CLPTM1L: variants seen among roughly 807,000 people sequenced by gnomAD.
CLPTM1L encodes the protein CLPTM1 like, also known as lipid scramblase CLPTM1L.
Under a neutral mutation model 70.9 loss-of-function variants are expected in CLPTM1L, and 38 were observed. The observed-to-expected ratio is 0.54, with a 90% CI of 0.41 to 0.70. The LOEUF (loss-of-function observed/expected upper bound fraction) is 0.70, where lower values mean the gene tolerates loss of function less well. Among genes scored for constraint, CLPTM1L ranks in the 30% least tolerant of loss-of-function variants. The pLI, the probability that CLPTM1L is intolerant of heterozygous loss-of-function variation, is 0.00. For missense variants in CLPTM1L, 652 were observed against 705.9 expected (o/e 0.92, Z 0.87); for synonymous variants, 339 against 299.9 (o/e 1.13, Z -1.35).
chr5:1,318,369 T>A lies in CLPTM1L; in HGVS notation c.1617A>T (p.Ter539CysextTer16). The change falls in exon 17 of 17, where the codon TGA becomes TGT. Residue 539 changes from the stop codon to cysteine (C), a stop_lost. Coordinates refer to ENST00000320895, the MANE Select transcript of CLPTM1L (RefSeq NM_030782.5). The surrounding 1 kb of genome is among the most constrained non-coding windows in gnomAD (Gnocchi z 8.9). The part of the protein sequence containing the change: ...EKATRAPHTD[*>C] Reference sequence around the variant, plus strand: ...TGGCTGGCGGCAGCCCGGGCGGCCTTCAGTCCGTGTGGGGCGCCCGCGTGG... The same window carrying A: ...TGGCTGGCGGCAGCCCGGGCGGCCTACAGTCCGTGTGGGGCGCCCGCGTGG... 2 of 1,613,008 alleles carry A rather than the reference T, an allele frequency of 1.2e-6. No homozygotes were observed. Among genetic ancestry groups the A allele is most frequent in the Non-Finnish European group, 1.7e-6 (2 of 1,179,478 alleles).
At chr5:1,339,248 C>T (rs372719642) in intron 3 of CLPTM1L, among the ~76,000 whole-genome samples, 28 of 144,278 alleles carry the variant, frequency 1.9e-4, no homozygotes, top group South Asian at 6.9e-4. Flanking sequence ...CAAACTGTGC[C>T]CGGGACAGCA....
Position 1,322,870 on chromosome 5 carries a change from G to C in CLPTM1L, c.1315+7C>G. 1 of 1,613,758 alleles carries C rather than the reference G, an allele frequency of 6.2e-7. No homozygotes were observed. The highest frequency in any genetic ancestry group is 8.5e-7 in the Non-Finnish European group (1 of 1,179,696). On this transcript the variant is annotated splice_region_variant and intron_variant, in intron 13 of 16. Transcript: ENST00000320895. ...TAGTACTGAAGCAGGGAAGCACATG[G>C]ACTCACCGTTGACGAAGCTGTTGAT... is the stretch of plus-strand genomic sequence containing the variant.
intron 9 of CLPTM1L, among the ~76,000 whole-genome samples, chr5:1,328,917 TCC>T (rs1752865872): frequency 6.6e-5 from 10 of 150,588 alleles, no homozygotes; most frequent in African/African-American, 2.5e-4. Context: ...ACACATTTCA[TCC>T]AGCTCCTCCT....
intron 3 of CLPTM1L, among the ~76,000 whole-genome samples, chr5:1,340,363 A>C (rs115628936): frequency 0.018 from 2,729 of 152,330 alleles, 38 homozygotes; most frequent in Non-Finnish European, 0.025. Flanking sequence ...ACATGAAGTT[A>C]AACAGGACAT....
At chr5:1,325,666 A>T in intron 10 of CLPTM1L, 85 bp downstream of exon 10, 1 of 1,103,408 alleles carries the variant, frequency 9.1e-7, no homozygotes, top group Non-Finnish European at 1.4e-6. Flanking sequence ...ACTCATCTGC[A>T]GATGGCCATC....
chr5:1,327,610 TCCAGCTCCTCCTCTACAGACACATTCCAC>T (rs1561235505), intron 9 of CLPTM1L, among the ~76,000 whole-genome samples: 5 of 148,220 alleles, frequency 3.4e-5, no homozygotes, highest in Non-Finnish European at 4.5e-5. Context: ...ACACATTTCA[TCCAGCTCCTCCTCTACAGACACATTCCAC>T]CCAGCTCCTC....
chr5:1,339,378 G>A (rs1044195128), intron 3 of CLPTM1L, among the ~76,000 whole-genome samples: 2 of 141,954 alleles, frequency 1.4e-5, no homozygotes, highest in African/African-American at 2.7e-5. Context: ...AACCGCACCC[G>A]GACAGCAGGG....
intron 8 of CLPTM1L, chr5:1,330,614 A>C: frequency 1.9e-6 from 1 of 517,618 alleles, no homozygotes; most frequent in Non-Finnish European, 3.5e-6. Context: ...AGCTCCACAA[A>C]CACGTGTCTG....
chr5:1,344,845 G>T lies in CLPTM1L; in HGVS notation c.-4C>A. 1 of 1,482,738 alleles carries T rather than the reference G, an allele frequency of 6.7e-7. No homozygotes were observed. The highest frequency in any genetic ancestry group is 9.0e-7 in the Non-Finnish European group (1 of 1,116,916). 91.8% of individuals were successfully genotyped at this position (1,482,738 alleles called of 1,614,324 possible). On this transcript the variant is annotated 5_prime_UTR_variant, in exon 1 of 17. Transcript: ENST00000320895. Reference sequence around the variant, plus strand: ...AGGAGCTGCGGCCGCTCCACATGGCGGCCCCGCGCCCGGCGCCCCCGGCCC... The same window carrying T: ...AGGAGCTGCGGCCGCTCCACATGGCTGCCCCGCGCCCGGCGCCCCCGGCCC...
intron 9 of CLPTM1L, among the ~76,000 whole-genome samples, chr5:1,329,189 G>C (rs895883005): frequency 3.3e-5 from 5 of 152,364 alleles, no homozygotes; most frequent in Admixed American, 1.3e-4. Context: ...CTCCTGAGCT[G>C]GTCTTGCCCC....
Position 1,318,824 on chromosome 5 carries a change from C to A in CLPTM1L, c.1533-371G>T, listed in dbSNP as rs1050783664. Among the ~76,000 whole-genome samples, 2 of 152,202 alleles carry A rather than the reference C, an allele frequency of 1.3e-5. No homozygotes were observed. The highest frequency in any genetic ancestry group is 1.3e-4 in the Admixed American group (2 of 15,290). On this transcript the variant is annotated intron_variant, in intron 16 of 16. Coordinates refer to ENST00000320895, the MANE Select transcript of CLPTM1L (RefSeq NM_030782.5). The surrounding 1 kb of genome is among the most constrained non-coding windows in gnomAD (Gnocchi z 8.9). ...CAGGAACCGCTGTGTTCAGGGACCACGTCTCATCAGCTGTGAACACTTGGC... is the reference window on the plus strand; with the variant it reads ...CAGGAACCGCTGTGTTCAGGGACCAAGTCTCATCAGCTGTGAACACTTGGC...
intron 9 of CLPTM1L, among the ~76,000 whole-genome samples, chr5:1,329,835 T>C (rs112023796): frequency 2.5e-4 from 30 of 121,986 alleles, no homozygotes; most frequent in African/African-American, 8.7e-4. Context: ...GACTCTCTGC[T>C]TGGTGGACAG....
At chr5:1,334,801 C>G (rs1409649164) in intron 6 of CLPTM1L, among the ~76,000 whole-genome samples, 1 of 152,044 alleles carries the variant, frequency 6.6e-6, no homozygotes, top group Admixed American at 6.5e-5. Context: ...TAAATCTCAT[C>G]AACAGTTAAG....
At chr5:1,325,652 A>G (rs466502) in intron 10 of CLPTM1L, 99 bp downstream of exon 10, 389,846 of 947,222 alleles carry the variant, frequency 0.41, 85,364 homozygotes, top group African/African-American at 0.58. Flanking sequence ...AGAGGCCCGC[A>G]GTGACTCATC....
At position 1,317,939 on chromosome 5, in the gene CLPTM1L, AAGAGG is replaced by A. The variant is rs1376437723; in HGVS notation, c.*425_*429del. The A allele has an allele frequency of 6.0e-6, 1 of 167,190 alleles. No homozygotes were observed. The highest frequency in any genetic ancestry group is 1.3e-5 in the Non-Finnish European group (1 of 78,558). 10.4% of individuals were successfully genotyped at this position (167,190 alleles called of 1,614,324 possible). A position where few individuals can be genotyped will look rare whatever the true frequency, so the allele number is the denominator to read the frequency against. ...TTTAAAACAACCAACTCTCAAACAAAAGAGGAAAGAGCCTTTGATCCCAGAGTCCA... is the reference window on the plus strand; with the variant it reads ...TTTAAAACAACCAACTCTCAAACAAAAAAGAGCCTTTGATCCCAGAGTCCA... On this transcript the variant is annotated 3_prime_UTR_variant, in exon 17 of 17. Coordinates refer to ENST00000320895, the MANE Select transcript of CLPTM1L (RefSeq NM_030782.5).
At chr5:1,324,692 A>C in intron 11 of CLPTM1L, 71 bp downstream of exon 11, 1 of 1,371,946 alleles carries the variant, frequency 7.3e-7, no homozygotes, top group South Asian at 1.2e-5. Context: ...GAGCAATGAC[A>C]GTAAAAGACC....
Position 1,318,362 on chromosome 5 carries a change from G to A in CLPTM1L, c.*7C>T. 6.2e-7 allele frequency: 1 copy of A among 1,611,810 alleles called. No homozygotes were observed. The highest frequency in any genetic ancestry group is 8.5e-7 in the Non-Finnish European group (1 of 1,178,552). On this transcript the variant is annotated 3_prime_UTR_variant, in exon 17 of 17. Coordinates refer to ENST00000320895, the MANE Select transcript of CLPTM1L (RefSeq NM_030782.5). The surrounding 1 kb of genome is among the most constrained non-coding windows in gnomAD (Gnocchi z 8.9). ...TTGCACTTGGCTGGCGGCAGCCCGG[G>A]CGGCCTTCAGTCCGTGTGGGGCGCC...
At chr5:1,327,800 C>T (rs543990112) in intron 9 of CLPTM1L, among the ~76,000 whole-genome samples, 1 of 150,884 alleles carries the variant, frequency 6.6e-6, no homozygotes, top group Admixed American at 6.6e-5. Context: ...TCCTCCTCTA[C>T]AGACACATTC....
intron 5 of CLPTM1L, among the ~76,000 whole-genome samples, chr5:1,337,507 G>T (rs1038331990): frequency 2.0e-5 from 3 of 152,240 alleles, no homozygotes; most frequent in Non-Finnish European, 4.4e-5. Flanking sequence ...GACCAGCCCT[G>T]GTGGGGAAAG....
Sources: allele counts gnomAD v4.1 joint callset (sites outside exome capture counted in the v4.1 genomes callset), GRCh38; gene constraint gnomAD v4.1.1; non-coding constraint Gnocchi (gnomAD v3.1); transcripts MANE v1.5; gene names NCBI Gene and HGNC (gene_info 2026-07-23, HGNC 2026-07-21).